Variants in NFRKB observed in about 807,000 individuals in gnomAD.
NFRKB encodes the protein nuclear factor related to kappa-B-binding protein.
NFRKB carries 62 observed loss-of-function variants against 135.7 expected under a neutral mutation model. That is an observed-to-expected ratio of 0.46 (90% CI 0.37 to 0.56). The LOEUF is 0.56. Ranked by LOEUF, NFRKB falls within the 20% of genes least tolerant of loss-of-function variation. The pLI is 0.00. For missense variants in NFRKB, 1,545 were observed against 1,662.0 expected (o/e 0.93, Z 1.22); for synonymous variants, 678 against 635.6 (o/e 1.07, Z -1.00).
At chr11:129,894,751 C>G (rs1210167752) in intron 1 of NFRKB, among the ~76,000 whole-genome samples, 1 of 152,148 alleles carries the variant, frequency 6.6e-6, no homozygotes, top group Admixed American at 6.5e-5. Flanking sequence ...GGTGAGACAG[C>G]ACATAGCATG....
chr11:129,879,711 GA>G (rs1357059112), intron 13 of NFRKB, among the ~76,000 whole-genome samples: 57 of 152,102 alleles, frequency 3.7e-4, no homozygotes, highest in Non-Finnish European at 1.3e-4. Flanking sequence ...CCTCTGCCGT[GA>G]AGAGCCCTCC....
At chr11:129,882,243 C>T in intron 10 of NFRKB, 49 bp from the exon 11 acceptor site, 1 of 1,512,674 alleles carries the variant, frequency 6.6e-7, no homozygotes, top group South Asian at 1.2e-5. Flanking sequence ...AGAACACATC[C>T]CTAGATTGAT....
intron 6 of NFRKB, among the ~76,000 whole-genome samples, chr11:129,885,211 A>G (rs1949216557): frequency 6.6e-6 from 1 of 152,182 alleles, no homozygotes; most frequent in South Asian, 2.1e-4. Context: ...CAAATGCCAC[A>G]TGGCCACAAG....
chr11:129,868,410 T>C (rs1398342808), intron 24 of NFRKB, among the ~76,000 whole-genome samples: 1 of 152,090 alleles, frequency 6.6e-6, no homozygotes, highest in African/African-American at 2.4e-5. Context: ...GTAAGACAGG[T>C]ATGCGAGGTT....
At chr11:129,881,638 G>A (rs530460003) in intron 12 of NFRKB, 89 bp downstream of exon 12, 3 of 1,584,814 alleles carry the variant, frequency 1.9e-6, no homozygotes, top group East Asian at 2.3e-5. Flanking sequence ...AAGGCATGAT[G>A]GATTACACGA....
At chr11:129,868,877 G>A (rs747909652) in intron 24 of NFRKB, among the ~76,000 whole-genome samples, 16 of 152,086 alleles carry the variant, frequency 1.1e-4, no homozygotes, top group Non-Finnish European at 2.1e-4. Flanking sequence ...AAAATAAGCC[G>A]GGTGTGATGA....
chr11:129,874,067 C>A lies in NFRKB; in HGVS notation c.2279+46G>T. 1 of 1,591,644 alleles carries A rather than the reference C, an allele frequency of 6.3e-7. No individual in the cohort carries two copies. The highest frequency in any genetic ancestry group is 8.6e-7 in the Non-Finnish European group (1 of 1,166,166). On this transcript the variant is annotated intron_variant, in intron 21 of 26. Transcript: ENST00000682444. The surrounding 1 kb of genome is among the most constrained non-coding windows in gnomAD (Gnocchi z 4.5). ...AAAACAAAAACTTAGGACATGCATACAAAAGAACTCTAGAACGAAAAAGCT... is the reference window on the plus strand; with the variant it reads ...AAAACAAAAACTTAGGACATGCATAAAAAAGAACTCTAGAACGAAAAAGCT...
In NFRKB at chr11:129,864,659, C is replaced by T. The variant is rs1028520403; in HGVS notation, c.*66G>A. ...CAAGCTTAAAACAATGATGCAACCT[C>T]CCTGGTCCCTTCTCAGCCAGGACAG... On this transcript the variant is annotated 3_prime_UTR_variant, in exon 27 of 27. Transcript: ENST00000682444. 1.3e-5 allele frequency: 21 copies of T among 1,607,294 alleles called. No homozygotes were observed. In the African/African-American group the frequency reaches 2.8e-4, roughly 21 times the overall value.
intron 15 of NFRKB, 68 bp downstream of exon 15, chr11:129,878,241 C>CA: frequency 6.5e-7 from 1 of 1,539,114 alleles, no homozygotes. Context: ...GAAGTATTAA[C>CA]AAAACCAAGG....
intron 4 of NFRKB, chr11:129,888,373 T>A (rs529317325): frequency 7.8e-4 from 532 of 682,598 alleles, no homozygotes; most frequent in Non-Finnish European, 1.0e-3. Context: ...CTGATGCTGG[T>A]TACAAGCTGA....
At chr11:129,889,982 G>GTGTGTGTA (rs60595143) in intron 3 of NFRKB, among the ~76,000 whole-genome samples, 1 of 147,786 alleles carries the variant, frequency 6.8e-6, no homozygotes, top group Admixed American at 6.7e-5. Context: ...GTGTGTGTGT[G>GTGTGTGTA]TATGCATTTT....
chr11:129,873,659 C>T (rs1448223991), intron 22 of NFRKB, 86 bp downstream of exon 22: 12 of 1,540,182 alleles, frequency 7.8e-6, no homozygotes, highest in Non-Finnish European at 1.1e-5. Context: ...CTCCCCAGTC[C>T]TTACCCAGAC....
intron 3 of NFRKB, among the ~76,000 whole-genome samples, chr11:129,891,881 T>C (rs1266878967): frequency 1.3e-5 from 2 of 152,170 alleles, no homozygotes; most frequent in Non-Finnish European, 2.9e-5. Flanking sequence ...ACTGCAACTA[T>C]TAACTAACAG....
chr11:129,873,942 G>T lies in NFRKB; in HGVS notation c.2353C>A (p.Pro785Thr), dbSNP rs1329721913. The change falls in exon 22 of 27, where the codon CCC becomes ACC. Residue 785 changes from proline (P) to threonine (T), a missense_variant. This residue lies in a region of NFRKB where 753 missense variants were observed against 804.3 expected (regional missense o/e 0.94). Transcript: ENST00000682444. ...ACCCGGGCGGCAGCCTGAGAACTGGGTGCAGTCTGGCTGGAAGCTGGGGAA... is the reference window on the plus strand; with the variant it reads ...ACCCGGGCGGCAGCCTGAGAACTGGTTGCAGTCTGGCTGGAAGCTGGGGAA... ...MLSPASSQTA[P>T]SSQAAARVVS... 1 of 1,613,280 alleles carries T rather than the reference G, an allele frequency of 6.2e-7. No homozygotes were observed. Among genetic ancestry groups the T allele is most frequent in the African/African-American group, 1.3e-5 (1 of 75,058 alleles).
intron 25 of NFRKB, among the ~76,000 whole-genome samples, chr11:129,865,588 C>A (rs1948150537): frequency 6.6e-6 from 1 of 152,198 alleles, no homozygotes; most frequent in Admixed American, 6.5e-5. Flanking sequence ...TAGCACTTCC[C>A]ACACCCTTTT....
chr11:129,876,194 A>G (rs530998614), intron 17 of NFRKB, among the ~76,000 whole-genome samples: 1 of 152,346 alleles, frequency 6.6e-6, no homozygotes, highest in Admixed American at 6.5e-5. Context: ...CACTACTTGG[A>G]AATTTCAAGA....
At chr11:129,867,864 T>C (rs1477266154) in intron 24 of NFRKB, among the ~76,000 whole-genome samples, 1 of 152,148 alleles carries the variant, frequency 6.6e-6, no homozygotes, top group Admixed American at 6.5e-5. Flanking sequence ...TGTGGGGATA[T>C]GGGGATTTGG....
chr11:129,880,334 T>C (rs1274301690), intron 13 of NFRKB, among the ~76,000 whole-genome samples: 1 of 151,856 alleles, frequency 6.6e-6, no homozygotes, highest in Non-Finnish European at 1.5e-5. Context: ...CCTCACACCA[T>C]TCTCCTTCAT....
At chr11:129,872,863 C>A in intron 23 of NFRKB, 21 bp downstream of exon 23, 1 of 1,571,856 alleles carries the variant, frequency 6.4e-7, no homozygotes, top group South Asian at 1.2e-5. Flanking sequence ...TTGAGATCCA[C>A]GTGGAAAGAG....
Sources: gnomAD v4.1 joint callset for allele counts (sites outside exome capture counted in the v4.1 genomes callset) on GRCh38, gnomAD v4.1.1 for gene constraint, gnomAD v4.1.1 regional missense constraint, Gnocchi (gnomAD v3.1) non-coding constraint, MANE v1.5 for transcripts, NCBI Gene and HGNC (gene_info 2026-07-23, HGNC 2026-07-21) for gene names.